ERP44: variants seen among roughly 807,000 people sequenced by gnomAD.
ERP44 encodes the protein endoplasmic reticulum protein 44.
Under a neutral mutation model 53.4 loss-of-function variants are expected in ERP44, and 25 were observed. The ratio of observed to expected loss-of-function variants is 0.47; its 90% CI spans 0.34 to 0.65. ERP44 has a LOEUF of 0.65. Ranked by LOEUF, ERP44 falls within the 30% of genes least tolerant of loss-of-function variation. The pLI is 0.01. For synonymous variants in ERP44, 145 were observed against 161.2 expected (o/e 0.90, Z 0.76); for missense variants, 338 against 493.2 (o/e 0.69, Z 2.98).
At chr9:100,036,089 G>A (rs1469999347) in intron 4 of ERP44, among the ~76,000 whole-genome samples, 1 of 152,218 alleles carries the variant, frequency 6.6e-6, no homozygotes, top group East Asian at 1.9e-4. Flanking sequence ...AAGGACACAT[G>A]CATGCATATG....
chr9:100,042,551 A>G (rs1825917245), intron 4 of ERP44, among the ~76,000 whole-genome samples: 1 of 152,218 alleles, frequency 6.6e-6, no homozygotes, highest in Non-Finnish European at 1.5e-5. Context: ...CATGATCCCA[A>G]TGCTAGGTAT....
intron 6 of ERP44, 47 bp from the exon 7 acceptor site, chr9:100,018,360 C>A: frequency 8.7e-7 from 1 of 1,150,314 alleles, no homozygotes. Context: ...CAGAATTTTG[C>A]AATGTAGGAA....
At chr9:100,022,908 G>T (rs1388925830) in intron 4 of ERP44, among the ~76,000 whole-genome samples, 2 of 152,082 alleles carry the variant, frequency 1.3e-5, no homozygotes, top group African/African-American at 2.4e-5. Flanking sequence ...ATAGCACTTT[G>T]GCAAATTCCA....
At chr9:100,086,380 T>A (rs1826482804) in intron 1 of ERP44, among the ~76,000 whole-genome samples, 1 of 152,204 alleles carries the variant, frequency 6.6e-6, no homozygotes, top group Non-Finnish European at 1.5e-5. Context: ...TAGACTTGAC[T>A]TTTAAAATTA....
chr9:99,980,799 C>T lies in ERP44; in HGVS notation c.*1813G>A, dbSNP rs553889191. On this transcript the variant is annotated 3_prime_UTR_variant, in exon 12 of 12. Transcript: ENST00000262455. ...GCATGAATGCTAAGTAATACTTCCT[C>T]AAATCAACTCCCTTTTTAACAGCCA... is the stretch of plus-strand genomic sequence containing the variant. 4.7e-4 allele frequency: 72 copies of T among 152,326 alleles called. No homozygotes were observed. The highest frequency in any genetic ancestry group is 1.6e-3 in the African/African-American group (65 of 41,576). The allele number at this position is 152,326 out of a possible 1,614,324, so 9.4% of individuals were successfully genotyped here. A position where few individuals can be genotyped will look rare whatever the true frequency, so the allele number is the denominator to read the frequency against.
rs549020423 is a variant in ERP44 at position 100,038,716 on chromosome 9, A to T, written c.286+13701T>A. Among the ~76,000 whole-genome samples the T allele has an allele frequency of 5.1e-4, 76 of 149,462 alleles. 2 individuals carry two copies. The highest frequency in any genetic ancestry group is 2.0e-3 in the Admixed American group (30 of 15,144). On this transcript the variant is annotated intron_variant, in intron 4 of 11. Transcript: ENST00000262455. ...AGACACAGACTGGTGTAATGGATTTAAAAAAAAACAAGACCCAAAGATCTG... is the reference window on the plus strand; with the variant it reads ...AGACACAGACTGGTGTAATGGATTTTAAAAAAAACAAGACCCAAAGATCTG...
intron 10 of ERP44, among the ~76,000 whole-genome samples, chr9:99,999,906 TC>T (rs1323570708): frequency 6.6e-6 from 1 of 152,234 alleles, no homozygotes; most frequent in Non-Finnish European, 1.5e-5. Context: ...ATATCCAGTT[TC>T]CCCCCGCTTT....
intron 4 of ERP44, among the ~76,000 whole-genome samples, chr9:100,042,528 G>A (rs181447539): frequency 3.9e-5 from 6 of 152,176 alleles, no homozygotes; most frequent in African/African-American, 1.2e-4. Flanking sequence ...AAAATAGAAC[G>A]ACCATATGAT....
In ERP44 at chr9:100,030,160, T is replaced by G. The variant is rs566448416; in HGVS notation, c.287-7934A>C. ...ACTCAGGGCTGCTCTGCCTATGGAG[T>G]AGCCATTCTTTTATTCCCTTACTTT... On this transcript the variant is annotated intron_variant, in intron 4 of 11. Transcript: ENST00000262455. 7.2e-5 allele frequency among the ~76,000 whole-genome samples: 11 copies of G among 152,184 alleles called. No homozygotes were observed. The East Asian group carries it at 2.1e-3, about 29-fold the overall frequency.
chr9:99,996,977 G>A (rs1056809811), intron 10 of ERP44, among the ~76,000 whole-genome samples: 3 of 106,046 alleles, frequency 2.8e-5, no homozygotes, highest in South Asian at 3.9e-4. Flanking sequence ...ACATACACAC[G>A]TATGTATATG....
At position 99,979,310 on chromosome 9, in the gene ERP44, C is replaced by G. The variant is rs949280982; in HGVS notation, c.*3302G>C. ...ACTACTTTATCCATTCCTTTTTGCC[C>G]TCAGGTTTAAAAAAGAAAAAAAAAA... On this transcript the variant is annotated 3_prime_UTR_variant, in exon 12 of 12. Coordinates refer to ENST00000262455, the MANE Select transcript of ERP44 (RefSeq NM_015051.3). 4 of 149,786 alleles carry G rather than the reference C, an allele frequency of 2.7e-5. No individual in the cohort carries two copies. Among genetic ancestry groups the G allele is most frequent in the African/African-American group, 5.0e-5 (2 of 40,328 alleles). The allele number at this position is 149,786 out of a possible 1,614,324, so 9.3% of individuals were successfully genotyped here.
chr9:100,064,665 T>C (rs1335130557), intron 1 of ERP44, among the ~76,000 whole-genome samples: 1 of 152,136 alleles, frequency 6.6e-6, no homozygotes, highest in Non-Finnish European at 1.5e-5. Flanking sequence ...TGCATAAAAA[T>C]GTTTTGGTTA....
intron 2 of ERP44, among the ~76,000 whole-genome samples, chr9:100,059,635 G>A (rs1826121235): frequency 6.6e-6 from 1 of 152,092 alleles, no homozygotes; most frequent in Non-Finnish European, 1.5e-5. Context: ...AGGCTGAAGT[G>A]AGCTATAATA....
chr9:100,013,424 A>G (rs948736758), intron 8 of ERP44, among the ~76,000 whole-genome samples: 25 of 147,136 alleles, frequency 1.7e-4, no homozygotes, highest in African/African-American at 6.1e-4. Flanking sequence ...TCTAAGAGTG[A>G]AAAAAAAAAA....
chr9:100,003,594 T>C (rs1830400303), intron 10 of ERP44, among the ~76,000 whole-genome samples: 1 of 148,436 alleles, frequency 6.7e-6, no homozygotes, highest in African/African-American at 2.5e-5. Flanking sequence ...CCTGGGTCCA[T>C]GGAGTTAAGC....
At chr9:100,039,992 G>A (rs1256952298) in intron 4 of ERP44, among the ~76,000 whole-genome samples, 5 of 151,778 alleles carry the variant, frequency 3.3e-5, no homozygotes, top group African/African-American at 4.8e-5. Context: ...AACCTGAACC[G>A]ACCAATAACA....
At chr9:100,076,634 G>A (rs1027625252) in intron 1 of ERP44, among the ~76,000 whole-genome samples, 2 of 152,214 alleles carry the variant, frequency 1.3e-5, no homozygotes, top group African/African-American at 2.4e-5. Flanking sequence ...ACTGATTCAT[G>A]GGCTGTAGCC....
rs148993911 is a variant in ERP44, at chr9:100,098,060, G to A, written c.57+724C>T. ...TCTGCACACTCAAGACGTACTCTGG[G>A]GCAAGAGGGACTAGGGAAAGATTCT... On this transcript the variant is annotated intron_variant, in intron 1 of 11. Transcript: ENST00000262455. 4.4e-3 allele frequency among the ~76,000 whole-genome samples: 670 copies of A among 152,304 alleles called. 3 individuals carry two copies. The highest frequency in any genetic ancestry group is 0.015 in the African/African-American group (643 of 41,554).
At chr9:100,066,946 G>GA (rs1433733571) in intron 1 of ERP44, among the ~76,000 whole-genome samples, 1 of 152,046 alleles carries the variant, frequency 6.6e-6, no homozygotes, top group Non-Finnish European at 1.5e-5. Context: ...AAAGAGAGGG[G>GA]AAAAATAGGA....
Sources: gnomAD v4.1 joint callset for allele counts (sites outside exome capture counted in the v4.1 genomes callset) on GRCh38, gnomAD v4.1.1 for gene constraint, MANE v1.5 for transcripts, NCBI Gene and HGNC (gene_info 2026-07-23, HGNC 2026-07-21) for gene names.